APC: variants seen among roughly 807,000 people sequenced by gnomAD.
The protein encoded by APC is APC regulator of Wnt signaling pathway.
APC carries 72 observed loss-of-function variants against 247.0 expected under a neutral mutation model. The observed-to-expected ratio is 0.29, with a 90% CI of 0.24 to 0.35. The LOEUF (loss-of-function observed/expected upper bound fraction) is 0.35. Among genes scored for constraint, APC ranks in the 10% least tolerant of loss-of-function variants. APC has a pLI of 1.00. For synonymous variants in APC, 1,254 were observed against 1,162.5 expected, an observed-to-expected ratio of 1.08 and a Z score of -1.60; for missense variants, 3,400 against 3,360.7, an observed-to-expected ratio of 1.01 and a Z score of -0.29.
intron 1 of APC, among the ~76,000 whole-genome samples, chr5:112,753,554 A>T (rs1188753944): frequency 4.6e-5 from 7 of 152,206 alleles, no homozygotes; most frequent in Non-Finnish European, 7.4e-5. Flanking sequence ...AAATTAACAC[A>T]CAAGACTCAA....
Position 112,827,729 on chromosome 5 carries a change from A to G in APC, c.1549-200A>G, listed in dbSNP as rs1763846265. On this transcript the variant is annotated intron_variant, in intron 12 of 15. Coordinates refer to ENST00000257430, the MANE Select transcript of APC (RefSeq NM_000038.6). ...ATTCACTTTATTTCTCTAGTTTGAC[A>G]AAGGAAGAACAGATAGCAAAGAATT... 2.0e-5 allele frequency among the ~76,000 whole-genome samples: 3 copies of G among 152,222 alleles called. No homozygotes were observed. The South Asian group carries it at 6.2e-4, about 31-fold the overall frequency.
chr5:112,839,650 TG>T lies in APC; in HGVS notation c.4057del (p.Glu1353AsnfsTer62). 1 of 1,614,118 alleles carries T rather than the reference TG, an allele frequency of 6.2e-7. No homozygotes were observed. The highest frequency in any genetic ancestry group is 8.5e-7 in the Non-Finnish European group (1 of 1,180,012). On this transcript the variant is annotated frameshift_variant, in exon 16 of 16. Transcript: ENST00000257430. LOFTEE classifies it high-confidence loss of function. This position sits in a 1 kb window ranked among gnomAD's most constrained non-coding sequence, Gnocchi z 5.0. ...SSESARHKAV[E>X]FSSGAKSPSK... ...CAGAATCAGCCAGGCACAAAGCTGT[TG>T]AATTTTCTTCAGGAGCGAAATCTCC...
chr5:112,825,064 A>G (rs924748695), intron 11 of APC, among the ~76,000 whole-genome samples: 2 of 152,122 alleles, frequency 1.3e-5, no homozygotes, highest in South Asian at 2.1e-4. Flanking sequence ...AATCTTTCCC[A>G]TCCCTGAATC....
chr5:112,842,358 C>G lies in APC; in HGVS notation c.6764C>G (p.Thr2255Ser), dbSNP rs752399791. The G allele has an allele frequency of 6.2e-7, 1 of 1,614,014 alleles. No homozygotes were observed. The highest frequency in any genetic ancestry group is 1.1e-5 in the South Asian group (1 of 91,086). Reference sequence around the variant, plus strand: ...TCTAAAAAAGGCCCACCCCTTAAGACTCCAGCCTCCAAAAGCCCTAGTGAA... The same window carrying G: ...TCTAAAAAAGGCCCACCCCTTAAGAGTCCAGCCTCCAAAAGCCCTAGTGAA... The part of the protein sequence containing the change: ...PVSKKGPPLK[T>S]PASKSPSEGQ... Residue 2255 changes from threonine (T) to serine (S), a missense_variant, in exon 16 of 16, where the codon ACT becomes AGT. Thr to Ser is a moderately conservative substitution (Grantham distance 58, BLOSUM62 1). Transcript: ENST00000257430.
intron 6 of APC, among the ~76,000 whole-genome samples, chr5:112,781,757 A>G (rs929450934): frequency 4.0e-5 from 6 of 151,024 alleles, no homozygotes; most frequent in Non-Finnish European, 8.8e-5. Context: ...CTTCCTAAAC[A>G]TAATGATTTT....
At chr5:112,807,648 T>C (rs184346837) in intron 8 of APC, among the ~76,000 whole-genome samples, 1 of 152,282 alleles carries the variant, frequency 6.6e-6, no homozygotes, top group African/African-American at 2.4e-5. Context: ...AAAGATGGAA[T>C]GATAGAAAAA....
At chr5:112,803,401 A>G (rs557717168) in intron 8 of APC, among the ~76,000 whole-genome samples, 1 of 152,332 alleles carries the variant, frequency 6.6e-6, no homozygotes, top group Admixed American at 6.5e-5. Context: ...TGGTTAAATT[A>G]TTAGTCAGCT....
upstream of APC, among the ~76,000 whole-genome samples, chr5:112,736,061 C>T (rs548888373): frequency 6.6e-6 from 1 of 152,212 alleles, no homozygotes; most frequent in African/African-American, 2.4e-5. Context: ...AGACTGTTTT[C>T]CTTCTGGAAG....
rs1554082127 is a variant in APC, at chr5:112,828,926, T to C, written c.1697T>C (p.Val566Ala). The change falls in exon 14 of 16, where the codon GTT becomes GCT. Residue 566 changes from valine to alanine, a missense_variant. Coordinates refer to ENST00000257430, the MANE Select transcript of APC (RefSeq NM_000038.6). ...AATAGTAAAAAGACGTTGCGAGAAG[T>C]TGGAAGTGTGAAAGCATTGATGGAA... ...DVNSKKTLRE[V>A]GSVKALMECA... 1.2e-6 allele frequency: 2 copies of C among 1,613,918 alleles called. No homozygotes were observed. The highest frequency in any genetic ancestry group is 1.7e-6 in the Non-Finnish European group (2 of 1,179,874).
At chr5:112,714,587 T>C (rs552438220) in intron 1 of APC, among the ~76,000 whole-genome samples, 1 of 152,360 alleles carries the variant, frequency 6.6e-6, no homozygotes, top group South Asian at 2.1e-4. Context: ...GGCTAGCTTA[T>C]CTTAATGGTG....
intron 10 of APC, among the ~76,000 whole-genome samples, chr5:112,820,182 GACACAC>G (rs111788809): frequency 0.058 from 8,309 of 143,368 alleles, 426 homozygotes; most frequent in East Asian, 0.15. Context: ...GATAAGAACT[GACACAC>G]ACACACACAC....
chr5:112,756,865 T>G (rs908605853), intron 2 of APC, among the ~76,000 whole-genome samples: 2 of 152,188 alleles, frequency 1.3e-5, no homozygotes, highest in Non-Finnish European at 2.9e-5. Context: ...AGAAGTGTTT[T>G]GGATTTTATA....
chr5:112,751,293 A>T (rs191298611), intron 1 of APC, among the ~76,000 whole-genome samples: 1 of 152,104 alleles, frequency 6.6e-6, no homozygotes, highest in Non-Finnish European at 1.5e-5. Flanking sequence ...GCTTTGTACA[A>T]TATTTTAATA....
chr5:112,799,150 C>T (rs1183585052), intron 7 of APC, among the ~76,000 whole-genome samples: 2 of 143,792 alleles, frequency 1.4e-5, no homozygotes, highest in East Asian at 4.2e-4. Flanking sequence ...CGCCATTGCA[C>T]TCCAGCCTGG....
intron 9 of APC, among the ~76,000 whole-genome samples, chr5:112,816,817 T>A (rs534162496): frequency 1.3e-5 from 2 of 151,316 alleles, no homozygotes; most frequent in East Asian, 3.9e-4. Flanking sequence ...AAGAGGAAAA[T>A]ATAGTTACTT....
upstream of APC, among the ~76,000 whole-genome samples, chr5:112,736,487 G>C (rs997023369): frequency 2.8e-4 from 42 of 152,162 alleles, no homozygotes; most frequent in African/African-American, 9.9e-4. Context: ...TGGACATTTT[G>C]TTGTGTGTCT....
Position 112,766,419 on chromosome 5 carries a change from TAAA to T in APC, c.220+12_220+14del, listed in dbSNP as rs864622493. On this transcript the variant is annotated intron_variant, in intron 3 of 15. Transcript: ENST00000257430. Reference sequence around the variant, plus strand: ...ATTAGAGCGTCTTAAAGGTAGATTTTAAAAAGGTGTTTTAAAATAATTTTTTAA... The same window carrying T: ...ATTAGAGCGTCTTAAAGGTAGATTTTAAGGTGTTTTAAAATAATTTTTTAA... The T allele has an allele frequency of 1.3e-6, 2 of 1,590,444 alleles. No individual in the cohort carries two copies. The highest frequency in any genetic ancestry group is 2.7e-5 in the African/African-American group (2 of 74,430).
At chr5:112,827,870 A>G (rs1763860970) in intron 12 of APC, 59 bp from the exon 13 acceptor site, 2 of 1,431,490 alleles carry the variant, frequency 1.4e-6, no homozygotes, top group Non-Finnish European at 2.0e-6. Context: ...GTAGCCAAAA[A>G]TAAAGCTTGG....
At position 112,840,265 on chromosome 5, in the gene APC, T is replaced by G; in HGVS notation, c.4671T>G (p.Ile1557Met). 2.5e-6 allele frequency: 4 copies of G among 1,614,122 alleles called. No individual in the cohort carries two copies. The highest frequency in any genetic ancestry group is 3.4e-6 in the Non-Finnish European group (4 of 1,180,016). Residue 1557 changes from isoleucine (I) to methionine (M), a missense_variant, in exon 16 of 16, where the codon ATT (isoleucine) becomes ATG (methionine). This residue lies in a region of APC where 1,788 missense variants were observed against 1,649.5 expected (regional missense o/e 1.08). Transcript: ENST00000257430. The surrounding 1 kb of genome is among the most constrained non-coding windows in gnomAD (Gnocchi z 4.1). The part of the protein sequence containing the change: ...ENQEKEAEKT[I>M]DSEKDLLDDS... Reference sequence around the variant, plus strand: ...AAGAGAAAGAGGCAGAAAAAACTATTGATTCTGAAAAGGACCTATTAGATG... The same window carrying G: ...AAGAGAAAGAGGCAGAAAAAACTATGGATTCTGAAAAGGACCTATTAGATG...
Sources: gnomAD v4.1 joint callset for allele counts (sites outside exome capture counted in the v4.1 genomes callset) on GRCh38, gnomAD v4.1.1 for gene constraint, gnomAD v4.1.1 regional missense constraint, Gnocchi (gnomAD v3.1) non-coding constraint, MANE v1.5 for transcripts, NCBI Gene and HGNC (gene_info 2026-07-23, HGNC 2026-07-21) for gene names.